The following CPT1A variants were observed in gnomAD, a reference collection of about 807,000 sequenced individuals.
The protein encoded by CPT1A is carnitine O-palmitoyltransferase 1, liver isoform.
CPT1A carries 64 observed loss-of-function variants against 100.8 expected under a neutral mutation model. The observed-to-expected ratio is 0.63, with a 90% confidence interval of 0.52 to 0.78. The LOEUF is 0.78. CPT1A is among the 30% of genes least tolerant of loss of function. The pLI is 0.00. For missense variants in CPT1A, 802 were observed against 1,034.1 expected, an observed-to-expected ratio of 0.78 and a Z score of 3.08; for synonymous variants, 363 against 396.0, an observed-to-expected ratio of 0.92 and a Z score of 0.99.
chr11:68,785,741 G>A (rs980763425), intron 9 of CPT1A: 8 of 427,110 alleles, frequency 1.9e-5, no homozygotes, highest in African/African-American at 1.4e-4. Flanking sequence ...ATAGGCATTC[G>A]ATCCGTATAG....
At chr11:68,800,119 G>A (rs933083342) in intron 5 of CPT1A, among the ~76,000 whole-genome samples, 1 of 152,092 alleles carries the variant, frequency 6.6e-6, no homozygotes, top group Non-Finnish European at 1.5e-5. Flanking sequence ...GCTGGGTGCT[G>A]GGGCTGGGCA....
At chr11:68,843,533 C>T (rs1425677699), upstream of CPT1A, among the ~76,000 whole-genome samples, 1 of 152,226 alleles carries the variant, frequency 6.6e-6, no homozygotes, top group Non-Finnish European at 1.5e-5. The surrounding 1 kb of genome is among the most constrained non-coding windows in gnomAD (Gnocchi z 4.0). Flanking sequence ...TTACCAACTT[C>T]CACTGCCACC....
rs182101632 is a variant in CPT1A at position 68,782,358 on chromosome 11, T to C, written c.1164-399A>G. Among the ~76,000 whole-genome samples the C allele has an allele frequency of 1.9e-3, 288 of 152,282 alleles. 2 individuals are homozygous for C. The highest frequency in any genetic ancestry group is 1.8e-3 in the Non-Finnish European group (120 of 68,024). ...GTCACAGTAAGTGCGTAAGAGTGCGTCCCTCATGCCAGGCTCTGCTCCAAA... is the reference window on the plus strand; with the variant it reads ...GTCACAGTAAGTGCGTAAGAGTGCGCCCCTCATGCCAGGCTCTGCTCCAAA... On this transcript the variant is annotated intron_variant, in intron 10 of 18. Coordinates refer to ENST00000265641, the MANE Select transcript of CPT1A (RefSeq NM_001876.4).
chr11:68,843,615 G>T (rs1857199329), upstream of CPT1A, among the ~76,000 whole-genome samples: 1 of 152,210 alleles, frequency 6.6e-6, no homozygotes, highest in Non-Finnish European at 1.5e-5. The surrounding 1 kb of genome is among the most constrained non-coding windows in gnomAD (Gnocchi z 4.0). Context: ...AAGGAGGGGT[G>T]GGGGAGGGAA....
chr11:68,839,369 C>G (rs1434354862), intron 1 of CPT1A, among the ~76,000 whole-genome samples: 1 of 152,226 alleles, frequency 6.6e-6, no homozygotes, highest in Non-Finnish European at 1.5e-5. Context: ...CCCCAAGCCC[C>G]GGGCGGCGTC....
At chr11:68,807,433 C>A in intron 4 of CPT1A, 34 bp downstream of exon 4, 1 of 1,604,770 alleles carries the variant, frequency 6.2e-7, no homozygotes, top group Non-Finnish European at 8.5e-7. Context: ...CCAAACTGTC[C>A]ACCCCCTCCA....
chr11:68,812,316 C>T, intron 3 of CPT1A, 121 bp downstream of exon 3: 2 of 1,381,370 alleles, frequency 1.4e-6, no homozygotes, highest in African/African-American at 1.4e-5. Flanking sequence ...GACGTGAGAA[C>T]AGCATCAGGA....
chr11:68,799,070 G>T, intron 6 of CPT1A, 148 bp downstream of exon 6: 2 of 723,246 alleles, frequency 2.8e-6, no homozygotes, highest in Middle Eastern at 3.7e-4. Flanking sequence ...ACTCCACTCT[G>T]CACAGAGGTA....
chr11:68,836,415 C>T (rs139022867), intron 1 of CPT1A, among the ~76,000 whole-genome samples: 3 of 152,076 alleles, frequency 2.0e-5, no homozygotes, highest in East Asian at 1.9e-4. Context: ...TGGGAGATTA[C>T]GTTGAGCTAT....
At chr11:68,758,380 A>G (rs1412205109) in intron 18 of CPT1A, among the ~76,000 whole-genome samples, 3 of 152,256 alleles carry the variant, frequency 2.0e-5, no homozygotes, top group Non-Finnish European at 4.4e-5. Flanking sequence ...CGACAAGGAA[A>G]GCAGAATATA....
At chr11:68,783,340 A>T (rs1183920319) in intron 10 of CPT1A, among the ~76,000 whole-genome samples, 1 of 150,842 alleles carries the variant, frequency 6.6e-6, no homozygotes, top group Non-Finnish European at 1.5e-5. Flanking sequence ...CTCAAATATG[A>T]TTGGGTGCCT....
intron 1 of CPT1A, among the ~76,000 whole-genome samples, chr11:68,822,143 C>T (rs1856601215): frequency 6.6e-6 from 1 of 151,832 alleles, no homozygotes; most frequent in Admixed American, 6.6e-5. Context: ...TTTGGGAGGC[C>T]AAAGCAGAAA....
downstream of CPT1A, chr11:68,754,656 T>G (rs903773060): frequency 2.2e-5 from 14 of 638,008 alleles, no homozygotes; most frequent in African/African-American, 2.6e-4. Flanking sequence ...CTTTTATGTG[T>G]CAGGCACTGT....
chr11:68,761,468 G>A, intron 16 of CPT1A, 67 bp downstream of exon 16: 4 of 1,534,222 alleles, frequency 2.6e-6, no homozygotes, highest in Non-Finnish European at 2.7e-6. Flanking sequence ...GTTCATGCAA[G>A]GCTGTAGTAA....
intron 2 of CPT1A, among the ~76,000 whole-genome samples, chr11:68,813,568 G>C (rs1856283813): frequency 6.6e-6 from 1 of 151,204 alleles, no homozygotes; most frequent in South Asian, 2.1e-4. Context: ...CGGGCATTGT[G>C]GTGTGCACCT....
chr11:68,778,929 G>A (rs1855218875), intron 12 of CPT1A, among the ~76,000 whole-genome samples: 1 of 151,806 alleles, frequency 6.6e-6, no homozygotes, highest in African/African-American at 2.4e-5. Context: ...GGGACTACAG[G>A]TGCCAGCCAC....
Position 68,757,232 on chromosome 11 carries a change from C to A in CPT1A, c.*412G>T. ...ATAACACATTTTTCTTTTAACAAAA[C>A]AAAAGTTTACCCTGCTTGGATGATG... On this transcript the variant is annotated 3_prime_UTR_variant, in exon 19 of 19. Coordinates refer to ENST00000265641, the MANE Select transcript of CPT1A (RefSeq NM_001876.4). The A allele has an allele frequency of 1.0e-6, 1 of 977,910 alleles. No homozygotes were observed. The highest frequency in any genetic ancestry group is 3.3e-5 in the South Asian group (1 of 30,076). 60.6% of individuals were successfully genotyped at this position (977,910 alleles called of 1,614,324 possible). A position where few individuals can be genotyped will look rare whatever the true frequency, so the allele number is the denominator to read the frequency against.
chr11:68,829,910 C>T (rs1286691815), intron 1 of CPT1A, among the ~76,000 whole-genome samples: 21 of 152,180 alleles, frequency 1.4e-4, no homozygotes, highest in Admixed American at 1.4e-3. Flanking sequence ...GTACAGAAAT[C>T]ACTTCTGAGA....
intron 1 of CPT1A, among the ~76,000 whole-genome samples, chr11:68,817,768 G>T (rs144886265): frequency 6.8e-6 from 1 of 147,106 alleles, no homozygotes; most frequent in Non-Finnish European, 1.5e-5. Flanking sequence ...GGTCAGTGGC[G>T]GGACAGCTAA....
Sources: allele counts gnomAD v4.1 joint callset (sites outside exome capture counted in the v4.1 genomes callset), GRCh38; gene constraint gnomAD v4.1.1; non-coding constraint Gnocchi (gnomAD v3.1); transcripts MANE v1.5; gene names NCBI Gene and HGNC (gene_info 2026-07-23, HGNC 2026-07-21).